The following TBC1D16 variants were observed in gnomAD, a reference collection of about 807,000 sequenced individuals.
The protein encoded by TBC1D16 is TBC1 domain family member 16, also known as CTD-2529O21.1.
A neutral mutation model predicts 74.7 loss-of-function variants in TBC1D16; 58 were observed. That is an observed-to-expected ratio of 0.78 (90% CI 0.63 to 0.97). TBC1D16 has a LOEUF of 0.97. TBC1D16 is among the 50% of genes least tolerant of loss of function. TBC1D16 has a pLI of 0.00. For synonymous variants in TBC1D16, 493 were observed against 474.7 expected, an observed-to-expected ratio of 1.04 and a Z score of -0.50; for missense variants, 1,014 against 1,079.5, an observed-to-expected ratio of 0.94 and a Z score of 0.85.
In TBC1D16 at chr17:79,944,246, A is replaced by T; in HGVS notation, c.1908+662T>A. The T allele has an allele frequency of 8.9e-7, 1 of 1,121,222 alleles. No homozygotes were observed. Among genetic ancestry groups the T allele is most frequent in the Non-Finnish European group, 1.3e-6 (1 of 788,924 alleles). 69.5% of individuals were successfully genotyped at this position (1,121,222 alleles called of 1,614,324 possible). On this transcript the variant is annotated intron_variant, in intron 10 of 11. Coordinates refer to ENST00000310924, the MANE Select transcript of TBC1D16 (RefSeq NM_019020.4). The surrounding 1 kb of genome is among the most constrained non-coding windows in gnomAD (Gnocchi z 7.7). Reference sequence around the variant, plus strand: ...AGAGCCAGCTCCTGCAAAAGGGTCCAGCCCTCCTGGATGCGTCGATGTGAG... The same window carrying T: ...AGAGCCAGCTCCTGCAAAAGGGTCCTGCCCTCCTGGATGCGTCGATGTGAG...
In TBC1D16 at chr17:80,008,824, A is replaced by C. The variant is rs1182938617; in HGVS notation, c.779+1336T>G. 6.6e-6 allele frequency among the ~76,000 whole-genome samples: 1 copy of C among 152,192 alleles called. No individual in the cohort carries two copies. Among genetic ancestry groups the C allele is most frequent in the Non-Finnish European group, 1.5e-5 (1 of 68,022 alleles). On this transcript the variant is annotated intron_variant, in intron 3 of 11. Transcript: ENST00000310924. The surrounding 1 kb of genome is among the most constrained non-coding windows in gnomAD (Gnocchi z 4.5). ...GGACTGCATCTTTACTGGAGGGATA[A>C]AATCAGGGAAGAACCCGTCCCACAG...
intron 1 of TBC1D16, among the ~76,000 whole-genome samples, chr17:80,018,591 T>C (rs2143031858): frequency 6.8e-6 from 1 of 147,812 alleles, no homozygotes; most frequent in Non-Finnish European, 1.5e-5. Context: ...CTGAAAAAAT[T>C]ATTAATGAAA....
rs914005650 is a variant in TBC1D16 at position 80,008,219 on chromosome 17, A to C, written c.779+1941T>G. Among the ~76,000 whole-genome samples, 2 of 152,088 alleles carry C rather than the reference A, an allele frequency of 1.3e-5. No individual in the cohort carries two copies. Among genetic ancestry groups the C allele is most frequent in the Non-Finnish European group, 2.9e-5 (2 of 68,032 alleles). On this transcript the variant is annotated intron_variant, in intron 3 of 11. Transcript: ENST00000310924. The surrounding 1 kb of genome is among the most constrained non-coding windows in gnomAD (Gnocchi z 4.5). ...GGCGGGGAAAAGCGAACCGGGGTGC[A>C]TTCTCACAATACCCCCAGAAAGTGG...
chr17:79,961,146 TA>T lies in TBC1D16; in HGVS notation c.780-8329del, dbSNP rs1433677435. On this transcript the variant is annotated intron_variant, in intron 3 of 11. Coordinates refer to ENST00000310924, the MANE Select transcript of TBC1D16 (RefSeq NM_019020.4). The surrounding 1 kb of genome is among the most constrained non-coding windows in gnomAD (Gnocchi z 4.8). Reference sequence around the variant, plus strand: ...CAAGGGAATACATACGCCTCAGCAATAAAAAGGAGCAAACTGCTGATATGCA... The same window carrying T: ...CAAGGGAATACATACGCCTCAGCAATAAAAGGAGCAAACTGCTGATATGCA... 1.3e-4 allele frequency among the ~76,000 whole-genome samples: 20 copies of T among 152,164 alleles called. No individual in the cohort carries two copies. The highest frequency in any genetic ancestry group is 4.6e-4 in the African/African-American group (19 of 41,520).
Position 80,035,700 on chromosome 17 carries a change from G to A in TBC1D16, c.-63+95C>T, listed in dbSNP as rs1404110033. On this transcript the variant is annotated intron_variant, in intron 1 of 11. Transcript: ENST00000310924. This position sits in a 1 kb window ranked among gnomAD's most constrained non-coding sequence, Gnocchi z 5.3. ...CCCACGCGCCCCACGCGCCCCGCGC[G>A]CCCCCGCCCCAGCTCCGCCGAGGGG... 4 of 147,672 alleles carry A rather than the reference G, an allele frequency of 2.7e-5. No individual in the cohort carries two copies. Among genetic ancestry groups the A allele is most frequent in the Non-Finnish European group, 6.0e-5 (4 of 66,326 alleles). The allele number at this position is 147,672 out of a possible 1,614,324, so 9.1% of individuals were successfully genotyped here. A position where few individuals can be genotyped will look rare whatever the true frequency, so the allele number is the denominator to read the frequency against.
intron 1 of TBC1D16, among the ~76,000 whole-genome samples, chr17:80,032,289 C>T (rs929871651): frequency 1.6e-4 from 24 of 152,206 alleles, no homozygotes; most frequent in African/African-American, 4.6e-4. Context: ...CACCTTCCAA[C>T]GCCTGCACAG....
intron 1 of TBC1D16, among the ~76,000 whole-genome samples, chr17:80,028,774 C>A (rs1451660265): frequency 1.3e-5 from 2 of 150,340 alleles, no homozygotes; most frequent in African/African-American, 5.0e-5. Flanking sequence ...CCACACCCAG[C>A]TAACTTTTGT....
intron 1 of TBC1D16, among the ~76,000 whole-genome samples, chr17:80,022,635 G>A (rs981169392): frequency 4.1e-5 from 6 of 148,104 alleles, no homozygotes; most frequent in Non-Finnish European, 5.9e-5. Flanking sequence ...CACCACGTCC[G>A]GCCCTGTTTT....
intron 3 of TBC1D16, among the ~76,000 whole-genome samples, chr17:80,006,157 C>A (rs1466436510): frequency 6.6e-6 from 1 of 152,202 alleles, no homozygotes; most frequent in African/African-American, 2.4e-5. Context: ...CCCTGACACC[C>A]CTCCCCACCC....
intron 1 of TBC1D16, among the ~76,000 whole-genome samples, chr17:80,020,527 G>A (rs1183415752): frequency 6.7e-6 from 1 of 149,662 alleles, no homozygotes; most frequent in African/African-American, 2.6e-5. Context: ...GGAGGTTGCA[G>A]TGAGCTGAGA....
At chr17:80,017,408 G>A (rs770802076) in intron 1 of TBC1D16, among the ~76,000 whole-genome samples, 28 of 152,176 alleles carry the variant, frequency 1.8e-4, no homozygotes, top group Admixed American at 1.4e-3. Context: ...CCGGCCAGGC[G>A]CGGTGGCTCA....
chr17:80,017,167 C>T (rs1266041701), intron 1 of TBC1D16, among the ~76,000 whole-genome samples: 1 of 152,098 alleles, frequency 6.6e-6, no homozygotes, highest in Non-Finnish European at 1.5e-5. Context: ...CAAACTTGTT[C>T]TGCAAAAGGC....
At chr17:80,020,666 TG>T (rs1344454172) in intron 1 of TBC1D16, among the ~76,000 whole-genome samples, 1 of 150,092 alleles carries the variant, frequency 6.7e-6, no homozygotes, top group Non-Finnish European at 1.5e-5. Context: ...GCTAGGCATC[TG>T]GCTTCCAACT....
chr17:79,936,508 T>C lies in TBC1D16; in HGVS notation c.*4351A>G, dbSNP rs2143255597. 1 of 152,472 alleles carries C rather than the reference T, an allele frequency of 6.6e-6. No homozygotes were observed. The highest frequency in any genetic ancestry group is 1.9e-4 in the East Asian group (1 of 5,182). 9.4% of individuals were successfully genotyped at this position (152,472 alleles called of 1,614,324 possible). A position where few individuals can be genotyped will look rare whatever the true frequency, so the allele number is the denominator to read the frequency against. ...CAGGCAGGCATCATTATTCTCATGT[T>C]ACAGGTGAGGAAACTGAGGCTGAAG... is the stretch of plus-strand genomic sequence containing the variant. On this transcript the variant is annotated 3_prime_UTR_variant, in exon 12 of 12. Transcript: ENST00000310924.
At chr17:79,997,520 C>T (rs1473544719) in intron 3 of TBC1D16, among the ~76,000 whole-genome samples, 1 of 152,144 alleles carries the variant, frequency 6.6e-6, no homozygotes, top group African/African-American at 2.4e-5. Context: ...ATTGAGGCTG[C>T]CCTCTGCCTC....
At chr17:80,028,257 G>A (rs913047959) in intron 1 of TBC1D16, among the ~76,000 whole-genome samples, 5 of 152,130 alleles carry the variant, frequency 3.3e-5, no homozygotes, top group East Asian at 3.9e-4. Context: ...ATAGCCGGGC[G>A]CAGTGGCTCA....
intron 3 of TBC1D16, among the ~76,000 whole-genome samples, chr17:79,962,568 G>A (rs1473655901): frequency 1.3e-5 from 2 of 151,934 alleles, no homozygotes; most frequent in Non-Finnish European, 2.9e-5. Context: ...TTCTAATATT[G>A]TACAATGATC....
intron 1 of TBC1D16, among the ~76,000 whole-genome samples, chr17:80,022,511 A>AT (rs1182336316): frequency 6.7e-6 from 1 of 148,440 alleles, no homozygotes; most frequent in Non-Finnish European, 1.5e-5. Context: ...TAATTTTTGT[A>AT]TTTTTTTAGT....
chr17:79,936,218 C>A lies in TBC1D16; in HGVS notation c.*4641G>T. The A allele has an allele frequency of 6.6e-6, 1 of 152,352 alleles. No homozygotes were observed. The allele number at this position is 152,352 out of a possible 1,614,324, so 9.4% of individuals were successfully genotyped here. On this transcript the variant is annotated 3_prime_UTR_variant, in exon 12 of 12. Transcript: ENST00000310924. Reference sequence around the variant, plus strand: ...TGGCAGGAGTGGGCAGAATGGGGTGCATTTTACAGAAGAGTCACAGAGAGG... The same window carrying A: ...TGGCAGGAGTGGGCAGAATGGGGTGAATTTTACAGAAGAGTCACAGAGAGG...
Sources: gnomAD v4.1 joint callset for allele counts (sites outside exome capture counted in the v4.1 genomes callset) on GRCh38, gnomAD v4.1.1 for gene constraint, Gnocchi (gnomAD v3.1) non-coding constraint, MANE v1.5 for transcripts, NCBI Gene and HGNC (gene_info 2026-07-23, HGNC 2026-07-21) for gene names.